ABHD4: variants seen among roughly 807,000 people sequenced by gnomAD.
ABHD4 encodes the protein abhydrolase domain containing 4, N-acyl phospholipase B, also known as (Lyso)-N-acylphosphatidylethanolamine lipase.
ABHD4 carries 35 observed loss-of-function variants against 42.3 expected under a neutral mutation model. The ratio of observed to expected loss-of-function variants is 0.83; its 90% CI spans 0.63 to 1.10. ABHD4 has a LOEUF of 1.10. Among genes scored for constraint, ABHD4 ranks in the 50% least tolerant of loss-of-function variants. ABHD4 has a pLI of 0.00. For missense variants in ABHD4, 389 were observed against 454.8 expected, an observed-to-expected ratio of 0.86 and a Z score of 1.32; for synonymous variants, 169 against 170.6, an observed-to-expected ratio of 0.99 and a Z score of 0.07.
At chr14:22,607,798 A>G (rs1331517764) in intron 5 of ABHD4, among the ~76,000 whole-genome samples, 1 of 152,184 alleles carries the variant, frequency 6.6e-6, no homozygotes, top group Admixed American at 6.5e-5. Context: ...CACAGAGTAT[A>G]TAAGTTTATA....
chr14:22,605,552 A>G (rs1307121084), intron 4 of ABHD4, among the ~76,000 whole-genome samples: 1 of 152,230 alleles, frequency 6.6e-6, no homozygotes, highest in Non-Finnish European at 1.5e-5. Context: ...GGCTCCCAGC[A>G]CCGTGGTCTC....
At chr14:22,608,810 T>G (rs1447821212) in intron 5 of ABHD4, among the ~76,000 whole-genome samples, 1 of 152,236 alleles carries the variant, frequency 6.6e-6, no homozygotes, top group Non-Finnish European at 1.5e-5. Flanking sequence ...CAAGCGATTC[T>G]CCTGCCTCAG....
chr14:22,603,492 T>A lies in ABHD4; in HGVS notation c.215T>A (p.Val72Glu). ...GAGCAAAACGACCGCACCCCCTTGG[T>A]GATGGTGCATGGTTTTGGGGGCGGC... ...SPEQNDRTPL[V>E]MVHGFGGGVG... The change falls in exon 3 of 7, where the codon GTG becomes GAG. Residue 72 changes from valine (V) to glutamate (E), a missense_variant. This residue lies in a region of ABHD4 where 102 missense variants were observed against 128.3 expected (regional missense o/e 0.80). Transcript: ENST00000428304. 4 of 1,614,126 alleles carry A rather than the reference T, an allele frequency of 2.5e-6. No individual in the cohort carries two copies. The highest frequency in any genetic ancestry group is 3.4e-6 in the Non-Finnish European group (4 of 1,180,012).
At chr14:22,609,527 A>G in intron 5 of ABHD4, 197 bp from the exon 6 acceptor site, 1 of 550,152 alleles carries the variant, frequency 1.8e-6, no homozygotes, top group South Asian at 2.6e-5. Context: ...GGTTTTTCAC[A>G]AGTGTTCCTC....
At chr14:22,598,454 G>T in intron 1 of ABHD4, 125 bp downstream of exon 1, 1 of 1,541,486 alleles carries the variant, frequency 6.5e-7, no homozygotes, top group South Asian at 1.2e-5. Context: ...TCGGCCTCCG[G>T]GGAGGGCGGG....
chr14:22,606,271 TC>T (rs2037347982), intron 4 of ABHD4, 150 bp from the exon 5 acceptor site: 2 of 622,708 alleles, frequency 3.2e-6, no homozygotes, highest in Non-Finnish European at 5.7e-6. Context: ...ATTCCTGCAC[TC>T]TTTCTGCCGC....
Position 22,603,425 on chromosome 14 carries a change from C to T in ABHD4, c.148C>T (p.Leu50Phe), listed in dbSNP as rs966589227. 5 of 1,614,054 alleles carry T rather than the reference C, an allele frequency of 3.1e-6. No individual in the cohort carries two copies. In the African/African-American group the frequency reaches 6.7e-5, roughly 22 times the overall value. The change falls in exon 3 of 7, where the codon CTC (leucine) becomes TTC (phenylalanine). Residue 50 changes from leucine (L) to phenylalanine (F), a missense_variant. Transcript: ENST00000428304. ...QNKFLARYVS[L>F]PNQNKIWTVT... ...TAAGTTCCTGGCCAGATATGTATCC[C>T]TCCCAAACCAGAATAAGATCTGGAC...
chr14:22,599,947 A>G (rs1468224954), intron 1 of ABHD4, among the ~76,000 whole-genome samples: 2 of 152,206 alleles, frequency 1.3e-5, no homozygotes, highest in Admixed American at 1.3e-4. Context: ...TTTTTCTTTC[A>G]AACTTCAAAC....
rs2037319784 is a variant in ABHD4, at chr14:22,604,082, G to A, written c.640+3G>A. 1.2e-6 allele frequency: 2 copies of A among 1,614,138 alleles called. No individual in the cohort carries two copies. Among genetic ancestry groups the A allele is most frequent in the Non-Finnish European group, 1.7e-6 (2 of 1,180,010 alleles). Reference sequence around the variant, plus strand: ...TCTTCGAGTAGCTGGGCCCTGGGGTGAGTAGCCTGTAGTATCTCCTTAAAG... The same window carrying A: ...TCTTCGAGTAGCTGGGCCCTGGGGTAAGTAGCCTGTAGTATCTCCTTAAAG... On this transcript the variant is annotated splice_donor_region_variant and intron_variant, in intron 4 of 6. Coordinates refer to ENST00000428304, the MANE Select transcript of ABHD4 (RefSeq NM_022060.3).
At position 22,606,493 on chromosome 14, in the gene ABHD4, A is replaced by G. The variant is rs373830843; in HGVS notation, c.712A>G (p.Ile238Val). 1 of 1,613,474 alleles carries G rather than the reference A, an allele frequency of 6.2e-7. No homozygotes were observed. Among genetic ancestry groups the G allele is most frequent in the Non-Finnish European group, 8.5e-7 (1 of 1,179,800 alleles). Residue 238 changes from isoleucine (I) to valine (V), a missense_variant, in exon 5 of 7, where the codon ATA (isoleucine) becomes GTA (valine). By Grantham distance (29) the Ile-to-Val change is conservative. Transcript: ENST00000428304. Reference sequence around the variant, plus strand: ...TGCAGACTTCTTTGAAGATGATACCATATCAGAGTATATTTACCACTGCAA... The same window carrying G: ...TGCAGACTTCTTTGAAGATGATACCGTATCAGAGTATATTTACCACTGCAA... ...KFADFFEDDTISEYIYHCNAQ... is the reference protein window; with the variant it reads ...KFADFFEDDTVSEYIYHCNAQ...
Position 22,610,855 on chromosome 14 carries a change from A to G in ABHD4, c.940-4A>G, listed in dbSNP as rs2139275082. On this transcript the variant is annotated splice_region_variant and splice_polypyrimidine_tract_variant and intron_variant, in intron 6 of 6. Transcript: ENST00000428304. ...TCCCACCCCTGCGGGTTCTCTCTCC[A>G]CAGGAGATTAAGGGTGCCTCCCACC... 6.2e-7 allele frequency: 1 copy of G among 1,612,518 alleles called. No homozygotes were observed. The highest frequency in any genetic ancestry group is 8.5e-7 in the Non-Finnish European group (1 of 1,178,652).
chr14:22,607,894 C>G (rs1009775329), intron 5 of ABHD4, among the ~76,000 whole-genome samples: 2 of 152,234 alleles, frequency 1.3e-5, no homozygotes, highest in Non-Finnish European at 2.9e-5. Flanking sequence ...AATTTTGTAA[C>G]TCCCTGAGTT....
At chr14:22,605,400 T>C (rs1315746947) in intron 4 of ABHD4, among the ~76,000 whole-genome samples, 3 of 152,056 alleles carry the variant, frequency 2.0e-5, no homozygotes, top group African/African-American at 7.3e-5. Context: ...TAAGTAAGAG[T>C]TATCTCTCTA....
chr14:22,611,094 G>A lies in ABHD4; in HGVS notation c.*146G>A. ...GCTGTTCCCAGAACAGGACGACAGTGAAAAGAACACTCTTGACCCTACACT... is the reference window on the plus strand; with the variant it reads ...GCTGTTCCCAGAACAGGACGACAGTAAAAAGAACACTCTTGACCCTACACT... On this transcript the variant is annotated 3_prime_UTR_variant, in exon 7 of 7. Coordinates refer to ENST00000428304, the MANE Select transcript of ABHD4 (RefSeq NM_022060.3). The A allele has an allele frequency of 1.4e-6, 1 of 713,082 alleles. No individual in the cohort carries two copies. Among genetic ancestry groups the A allele is most frequent in the Non-Finnish European group, 2.4e-6 (1 of 411,378 alleles). 44.2% of individuals were successfully genotyped at this position (713,082 alleles called of 1,614,324 possible).
Position 22,611,005 on chromosome 14 carries a change from T to G in ABHD4, c.*57T>G, listed in dbSNP as rs183781917. On this transcript the variant is annotated 3_prime_UTR_variant, in exon 7 of 7. Transcript: ENST00000428304. ...AGAGAGTCACTCTTACCTCCCTGTC[T>G]GCTTACTCACCCACTCTGTCCTTTC... is the stretch of plus-strand genomic sequence containing the variant. 6.8e-5 allele frequency: 101 copies of G among 1,483,240 alleles called. No homozygotes were observed. The African/African-American group carries it at 1.3e-3, about 20-fold the overall frequency. The allele number at this position is 1,483,240 out of a possible 1,614,324, so 91.9% of individuals were successfully genotyped here.
At chr14:22,604,483 G>A (rs772516137) in intron 4 of ABHD4, among the ~76,000 whole-genome samples, 1 of 152,288 alleles carries the variant, frequency 6.6e-6, no homozygotes, top group South Asian at 2.1e-4. Flanking sequence ...ATCTGACCTC[G>A]TGATCCGCCT....
At chr14:22,603,000 T>G (rs566265951) in intron 2 of ABHD4, among the ~76,000 whole-genome samples, 1 of 152,140 alleles carries the variant, frequency 6.6e-6, no homozygotes, top group African/African-American at 2.4e-5. Context: ...GGGAGTTCTT[T>G]TCAAACCAGT....
At position 22,603,483 on chromosome 14, in the gene ABHD4, C is replaced by T; in HGVS notation, c.206C>T (p.Thr69Ile). 6.2e-7 allele frequency: 1 copy of T among 1,614,176 alleles called. No individual in the cohort carries two copies. Among genetic ancestry groups the T allele is most frequent in the Non-Finnish European group, 8.5e-7 (1 of 1,180,040 alleles). ...VTVSPEQNDR[T>I]PLVMVHGFGG... ...GTGAGCCCCGAGCAAAACGACCGCACCCCCTTGGTGATGGTGCATGGTTTT... is the reference window on the plus strand; with the variant it reads ...GTGAGCCCCGAGCAAAACGACCGCATCCCCTTGGTGATGGTGCATGGTTTT... The change falls in exon 3 of 7, where the codon ACC (threonine) becomes ATC (isoleucine). Residue 69 changes from threonine (T) to isoleucine (I), a missense_variant. By Grantham distance (89) the Thr-to-Ile change is moderately conservative (BLOSUM62 -1). Coordinates refer to ENST00000428304, the MANE Select transcript of ABHD4 (RefSeq NM_022060.3).
intron 4 of ABHD4, chr14:22,605,970 A>T (rs1418409352): frequency 1.7e-6 from 1 of 598,936 alleles, no homozygotes; most frequent in African/African-American, 1.9e-5. Flanking sequence ...ATTCTAATAC[A>T]GGCCTGAAAA....
Sources: allele counts gnomAD v4.1 joint callset (sites outside exome capture counted in the v4.1 genomes callset), GRCh38; gene constraint gnomAD v4.1.1; regional missense constraint gnomAD v4.1.1; transcripts MANE v1.5; gene names NCBI Gene and HGNC (gene_info 2026-07-23, HGNC 2026-07-21).